KCNMB3: variants seen among roughly 807,000 people sequenced by gnomAD.
KCNMB3 encodes potassium calcium-activated channel subfamily M regulatory beta subunit 3, also known as calcium-activated potassium channel subunit beta-3.
KCNMB3 carries 18 observed loss-of-function variants against 11.9 expected under a neutral mutation model. The ratio of observed to expected loss-of-function variants is 1.51; its 90% CI spans 1.04 to 2.23. The LOEUF is 2.23. KCNMB3 is among the 30% of genes most tolerant of loss of function. The pLI is 0.00. For missense variants in KCNMB3, 247 were observed against 329.4 expected (o/e 0.75, Z 1.94); for synonymous variants, 78 against 119.2 (o/e 0.65, Z 2.25).
At chr3:179,260,974 G>A in intron 1 of KCNMB3, 1 of 1,008,406 alleles carries the variant, frequency 9.9e-7, no homozygotes, top group Non-Finnish European at 1.6e-6. Context: ...TTTCCCTGAT[G>A]GACGCCTCGG....
chr3:179,254,651 A>G (rs995812883), upstream of KCNMB3, among the ~76,000 whole-genome samples: 1 of 152,066 alleles, frequency 6.6e-6, no homozygotes, highest in African/African-American at 2.4e-5. Context: ...TCTCTACTAA[A>G]AACACAAAAA....
At chr3:179,240,123 C>T (rs1725416454), downstream of KCNMB3, 8 of 1,131,250 alleles carry the variant, frequency 7.1e-6, no homozygotes, top group African/African-American at 1.6e-5. Context: ...CCTTAGTGTA[C>T]TACATAAGCA....
chr3:179,240,572 AT>A (rs1265081955), downstream of KCNMB3: 1 of 152,160 alleles, frequency 6.6e-6, no homozygotes, highest in African/African-American at 2.4e-5. Flanking sequence ...GCACATAGGC[AT>A]TAACAACTTA....
At chr3:179,251,452 C>A, upstream of KCNMB3, 1 of 1,414,900 alleles carries the variant, frequency 7.1e-7, no homozygotes, top group Non-Finnish European at 9.2e-7. Flanking sequence ...CCAGTCCACT[C>A]AGAATTATGA....
At chr3:179,246,098 C>G (rs1197214546) in intron 1 of KCNMB3, among the ~76,000 whole-genome samples, 2 of 152,156 alleles carry the variant, frequency 1.3e-5, no homozygotes, top group African/African-American at 2.4e-5. Context: ...GTTAGATTAG[C>G]AAGCTCTAAA....
At chr3:179,261,705 G>A (rs971488546) in intron 1 of KCNMB3, among the ~76,000 whole-genome samples, 1 of 152,216 alleles carries the variant, frequency 6.6e-6, no homozygotes, top group African/African-American at 2.4e-5. Flanking sequence ...ACTCTCTTGA[G>A]ATGCTGGGCA....
chr3:179,256,565 T>C (rs190921447), upstream of KCNMB3, among the ~76,000 whole-genome samples: 2 of 152,194 alleles, frequency 1.3e-5, no homozygotes, highest in East Asian at 3.9e-4. Flanking sequence ...GGAGTAACAG[T>C]GATAATTTTT....
At chr3:179,246,786 A>G (rs1725658327) in intron 1 of KCNMB3, among the ~76,000 whole-genome samples, 1 of 152,250 alleles carries the variant, frequency 6.6e-6, no homozygotes, top group Non-Finnish European at 1.5e-5. Context: ...TGAACTGAGT[A>G]TGATTTGAAT....
chr3:179,265,710 G>T (rs372602714), intron 1 of KCNMB3, among the ~76,000 whole-genome samples: 1 of 152,110 alleles, frequency 6.6e-6, no homozygotes, highest in South Asian at 2.1e-4. Context: ...CACTCACCTC[G>T]GCCTCCCAAA....
At chr3:179,253,211 C>G (rs1725905187), upstream of KCNMB3, among the ~76,000 whole-genome samples, 1 of 152,092 alleles carries the variant, frequency 6.6e-6, no homozygotes, top group South Asian at 2.1e-4. Flanking sequence ...TGTAAGATAT[C>G]CTTGGAATCC....
intron 1 of KCNMB3, among the ~76,000 whole-genome samples, chr3:179,245,760 A>G (rs1298766780): frequency 6.6e-6 from 1 of 152,186 alleles, no homozygotes; most frequent in African/African-American, 2.4e-5. Context: ...TGGCCTCCCA[A>G]AGTGCTGGGA....
At chr3:179,248,643 G>A (rs1050049039) in intron 1 of KCNMB3, among the ~76,000 whole-genome samples, 9 of 151,004 alleles carry the variant, frequency 6.0e-5, no homozygotes, top group African/African-American at 9.7e-5. Context: ...CAGGAGGATC[G>A]CCTGAGCCCA....
At chr3:179,266,691 G>T in exon 1 of KCNMB3, 1 of 1,614,194 alleles carries the variant, frequency 6.2e-7, no homozygotes, top group Middle Eastern at 1.6e-4. Context: ...GATTTGCACG[G>T]GGATGCTGAA....
chr3:179,244,831 AT>A, intron 1 of KCNMB3, 138 bp from the exon 2 acceptor site: 1 of 732,004 alleles, frequency 1.4e-6, no homozygotes, highest in Non-Finnish European at 2.3e-6. Flanking sequence ...GTGGTGCAGG[AT>A]CCTTACAGCA....
upstream of KCNMB3, among the ~76,000 whole-genome samples, chr3:179,254,756 T>G (rs1725957252): frequency 6.6e-6 from 1 of 152,018 alleles, no homozygotes. Flanking sequence ...GAGCCAAGAT[T>G]GCGCCACTGC....
upstream of KCNMB3, among the ~76,000 whole-genome samples, chr3:179,254,813 T>TA (rs1324262085): frequency 6.6e-6 from 1 of 151,010 alleles, no homozygotes; most frequent in African/African-American, 2.4e-5. Flanking sequence ...TAAAATAAAA[T>TA]AAAAAAAGAA....
chr3:179,249,932 G>C (rs1027643132), intron 1 of KCNMB3, among the ~76,000 whole-genome samples: 1 of 152,130 alleles, frequency 6.6e-6, no homozygotes, highest in Non-Finnish European at 1.5e-5. Flanking sequence ...TGCATGCTGG[G>C]CTTAATACCC....
At chr3:179,251,555 C>T, upstream of KCNMB3, 1 of 1,327,732 alleles carries the variant, frequency 7.5e-7, no homozygotes, top group Non-Finnish European at 9.6e-7. Flanking sequence ...TTCTTCTCTC[C>T]TCTCTCCACT....
chr3:179,260,116 A>G (rs1420995018), intron 1 of KCNMB3: 3 of 1,605,566 alleles, frequency 1.9e-6, no homozygotes, highest in Non-Finnish European at 2.6e-6. Context: ...CTATGCCCTA[A>G]AGGACATGAG....
Sources: gnomAD v4.1 joint callset for allele counts (sites outside exome capture counted in the v4.1 genomes callset) on GRCh38, gnomAD v4.1.1 for gene constraint, MANE v1.5 for transcripts, NCBI Gene and HGNC (gene_info 2026-07-23, HGNC 2026-07-21) for gene names.